SS18: variants seen among roughly 807,000 people sequenced by gnomAD.
SS18 encodes protein SSXT.
Under a neutral mutation model 72.5 loss-of-function variants are expected in SS18, and 28 were observed. That is an observed-to-expected ratio of 0.39 (90% CI 0.29 to 0.53). The LOEUF (loss-of-function observed/expected upper bound fraction) is 0.53. SS18 is among the 20% of genes least tolerant of loss of function. The pLI is 0.76. For missense variants in SS18, 518 were observed against 535.3 expected, an observed-to-expected ratio of 0.97 and a Z score of 0.32; for synonymous variants, 172 against 164.2, an observed-to-expected ratio of 1.05 and a Z score of -0.37.
chr18:26,042,877 CTATATATA>C (rs2053754059), intron 5 of SS18, among the ~76,000 whole-genome samples: 2 of 151,878 alleles, frequency 1.3e-5, no homozygotes, highest in African/African-American at 4.8e-5. Context: ...TACAAATATT[CTATATATA>C]TAGAACATTC....
intron 10 of SS18, among the ~76,000 whole-genome samples, chr18:26,030,861 G>T (rs934640676): frequency 3.9e-5 from 6 of 151,976 alleles, no homozygotes; most frequent in African/African-American, 9.7e-5. Context: ...AAACAATAAA[G>T]AATGAATCAA....
chr18:26,043,398 A>G (rs1347433704), intron 5 of SS18, among the ~76,000 whole-genome samples: 1 of 152,200 alleles, frequency 6.6e-6, no homozygotes, highest in African/African-American at 2.4e-5. Context: ...ATGAAACTCC[A>G]TAGATAATAC....
chr18:26,054,525 C>G (rs1023666447), intron 4 of SS18, among the ~76,000 whole-genome samples: 2 of 151,400 alleles, frequency 1.3e-5, no homozygotes, highest in Non-Finnish European at 2.9e-5. Context: ...CCTAAATGTT[C>G]GAATAAATTA....
At chr18:26,075,492 TCA>T (rs2054396012) in intron 3 of SS18, among the ~76,000 whole-genome samples, 1 of 151,968 alleles carries the variant, frequency 6.6e-6, no homozygotes, top group East Asian at 1.9e-4. Context: ...TATAATCATC[TCA>T]TTCGATGCAA....
intron 7 of SS18, among the ~76,000 whole-genome samples, chr18:26,036,366 A>G (rs969211793): frequency 6.6e-6 from 1 of 152,184 alleles, no homozygotes; most frequent in South Asian, 2.1e-4. Context: ...AGAGTTCCAT[A>G]AGTTTTTCCC....
intron 5 of SS18, among the ~76,000 whole-genome samples, chr18:26,051,551 T>C (rs2143972660): frequency 6.6e-6 from 1 of 152,298 alleles, no homozygotes; most frequent in African/African-American, 2.4e-5. Context: ...TCATCAATTT[T>C]CCTGTTCTCT....
intron 9 of SS18, among the ~76,000 whole-genome samples, chr18:26,032,828 T>C (rs1567993208): frequency 6.6e-6 from 1 of 152,078 alleles, no homozygotes; most frequent in Non-Finnish European, 1.5e-5. Context: ...AACTCCATGA[T>C]GATAAGAAAA....
intron 4 of SS18, among the ~76,000 whole-genome samples, chr18:26,055,163 T>TA (rs1409299684): frequency 2.0e-5 from 3 of 152,038 alleles, no homozygotes; most frequent in East Asian, 1.9e-4. Context: ...ACCTAGCTTT[T>TA]AAAAAATCAA....
intron 1 of SS18, 89 bp downstream of exon 1, chr18:26,090,412 C>G: frequency 7.4e-7 from 1 of 1,352,096 alleles, no homozygotes; most frequent in Non-Finnish European, 1.0e-6. Flanking sequence ...CGCCTCGGCC[C>G]GGTCGACTCC....
chr18:26,020,332 T>C (rs2053326312), intron 10 of SS18, among the ~76,000 whole-genome samples: 1 of 152,154 alleles, frequency 6.6e-6, no homozygotes, highest in South Asian at 2.1e-4. Flanking sequence ...GATGCTTAAA[T>C]AGGAGAGGAC....
At chr18:26,031,885 C>A (rs1218414922) in intron 10 of SS18, among the ~76,000 whole-genome samples, 7 of 152,090 alleles carry the variant, frequency 4.6e-5, no homozygotes, top group Admixed American at 1.3e-4. Context: ...AAAGCATCAA[C>A]ACAGATGGAC....
intron 3 of SS18, among the ~76,000 whole-genome samples, chr18:26,065,868 C>T (rs962766102): frequency 7.7e-6 from 1 of 129,404 alleles, no homozygotes; most frequent in Non-Finnish European, 1.6e-5. Flanking sequence ...TCTACATACA[C>T]AGAACTTAAT....
Position 26,018,198 on chromosome 18 carries a change from C to T in SS18, c.*156G>A. ...CTACTAAAGCCTTTTATAACTAAAC[C>T]ACAAAGGCTGCTTACTGATGAAACA... On this transcript the variant is annotated 3_prime_UTR_variant, in exon 11 of 11. Coordinates refer to ENST00000415083, the MANE Select transcript of SS18 (RefSeq NM_001007559.3). 2 of 581,786 alleles carry T rather than the reference C, an allele frequency of 3.4e-6. No individual in the cohort carries two copies. Among genetic ancestry groups the T allele is most frequent in the South Asian group, 5.9e-5 (2 of 33,940 alleles). The allele number at this position is 581,786 out of a possible 1,614,324, so 36.0% of individuals were successfully genotyped here. A position where few individuals can be genotyped will look rare whatever the true frequency, so the allele number is the denominator to read the frequency against.
chr18:26,023,313 T>A (rs1156920497), intron 10 of SS18, among the ~76,000 whole-genome samples: 1 of 152,152 alleles, frequency 6.6e-6, no homozygotes, highest in African/African-American at 2.4e-5. Context: ...TAAAAAGACC[T>A]AAACCAAACT....
chr18:26,036,631 T>G lies in SS18; in HGVS notation c.881-708A>C, dbSNP rs189657116. Among the ~76,000 whole-genome samples, 36 of 152,322 alleles carry G rather than the reference T, an allele frequency of 2.4e-4. 1 individual carries two copies. The highest frequency in any genetic ancestry group is 7.0e-4 in the African/African-American group (29 of 41,594). The stretch of plus-strand genomic sequence containing the variant: ...CTAGTGAAAAATACTCTCACTCTTT[T>G]TTTTAAAGTTTCACTAAGAAAATGT... On this transcript the variant is annotated intron_variant, in intron 7 of 10. Coordinates refer to ENST00000415083, the MANE Select transcript of SS18 (RefSeq NM_001007559.3).
intron 5 of SS18, among the ~76,000 whole-genome samples, chr18:26,048,049 C>T (rs1356158928): frequency 6.6e-6 from 1 of 152,108 alleles, no homozygotes; most frequent in Non-Finnish European, 1.5e-5. Context: ...AGTTATGCAA[C>T]CTGACTAATA....
chr18:26,073,378 TA>T (rs1455074029), intron 3 of SS18, among the ~76,000 whole-genome samples: 2 of 152,130 alleles, frequency 1.3e-5, no homozygotes, highest in Non-Finnish European at 2.9e-5. Context: ...GGCATTCATC[TA>T]AAACTCAGAA....
chr18:26,055,948 G>A (rs528785979), intron 4 of SS18, among the ~76,000 whole-genome samples: 9 of 151,960 alleles, frequency 5.9e-5, no homozygotes, highest in East Asian at 1.9e-4. Flanking sequence ...TAGTAGAGAC[G>A]GGATTTCATC....
rs147862448 is a variant in SS18 at position 26,074,725 on chromosome 18, G to A, written c.231+3351C>T. 4.5e-3 allele frequency among the ~76,000 whole-genome samples: 689 copies of A among 151,888 alleles called. 7 individuals carry two copies. The highest frequency in any genetic ancestry group is 0.016 in the African/African-American group (665 of 41,504). On this transcript the variant is annotated intron_variant, in intron 3 of 10. Coordinates refer to ENST00000415083, the MANE Select transcript of SS18 (RefSeq NM_001007559.3). ...TACATCAAGTTCTTTTAAGTCCTCA[G>A]TAATTTTTAAGAATGTAACAGGGTT...
Sources: allele counts gnomAD v4.1 joint callset (sites outside exome capture counted in the v4.1 genomes callset), GRCh38; gene constraint gnomAD v4.1.1; transcripts MANE v1.5; gene names NCBI Gene and HGNC (gene_info 2026-07-23, HGNC 2026-07-21).